Variants in TUBB6 observed in about 807,000 individuals in gnomAD.
TUBB6 encodes tubulin beta 6 class V.
TUBB6 carries 18 observed loss-of-function variants against 32.3 expected under a neutral mutation model. That is an observed-to-expected ratio of 0.56 (90% CI 0.39 to 0.83). The LOEUF is 0.83. Ranked by LOEUF, TUBB6 falls within the 40% of genes least tolerant of loss-of-function variation. The pLI, the probability that TUBB6 is intolerant of heterozygous loss-of-function variation, is 0.00. For missense variants in TUBB6, 480 were observed against 632.0 expected (o/e 0.76, Z 2.58); for synonymous variants, 280 against 265.8 (o/e 1.05, Z -0.52).
rs1907268176 is a variant in TUBB6 at position 12,325,693 on chromosome 18, G to C, written c.904G>C (p.Ala302Pro). ...QMFDARNMMA[A>P]CDPRHGRYLT... is the part of the protein sequence containing the mutation. The stretch of plus-strand genomic sequence containing the variant: ...GTTCGACGCCAGGAACATGATGGCC[G>C]CCTGCGATCCGCGCCATGGCCGCTA... Residue 302 changes from alanine (A) to proline (P), a missense_variant, in exon 4 of 4, where the codon GCC becomes CCC. Ala to Pro is a conservative substitution (Grantham distance 27, BLOSUM62 -1). Transcript: ENST00000317702. 6.2e-7 allele frequency: 1 copy of C among 1,613,954 alleles called. No individual in the cohort carries two copies. The highest frequency in any genetic ancestry group is 1.3e-5 in the African/African-American group (1 of 74,936).
At chr18:12,322,356 C>G (rs567160921) in intron 3 of TUBB6, among the ~76,000 whole-genome samples, 1 of 139,572 alleles carries the variant, frequency 7.2e-6, no homozygotes, top group Non-Finnish European at 1.6e-5. Flanking sequence ...ATTGAAAATA[C>G]TTTTTTTTTT....
At chr18:12,329,535 G>C (rs755539519), downstream of TUBB6, 1 of 1,599,642 alleles carries the variant, frequency 6.3e-7, no homozygotes, top group South Asian at 1.1e-5. Context: ...AACCACAGTG[G>C]ACAGACTGAG....
intron 3 of TUBB6, among the ~76,000 whole-genome samples, chr18:12,322,577 C>T (rs1217893909): frequency 2.0e-5 from 3 of 152,088 alleles, no homozygotes; most frequent in Non-Finnish European, 1.5e-5. Context: ...CTTGAAAATA[C>T]TTTTTGATAA....
intron 3 of TUBB6, among the ~76,000 whole-genome samples, chr18:12,322,922 C>G (rs1907063860): frequency 6.6e-6 from 1 of 152,030 alleles, no homozygotes; most frequent in African/African-American, 2.4e-5. Flanking sequence ...ATACATTTAA[C>G]AGAAGAAGAG....
Position 12,308,668 on chromosome 18 carries a change from C to G in TUBB6, c.58-19C>G, listed in dbSNP as rs772248046. 7 of 1,558,586 alleles carry G rather than the reference C, an allele frequency of 4.5e-6. No homozygotes were observed. In the African/African-American group the frequency reaches 5.4e-5, roughly 12 times the overall value. On this transcript the variant is annotated intron_variant, in intron 1 of 3. Coordinates refer to ENST00000317702, the MANE Select transcript of TUBB6 (RefSeq NM_032525.3). Reference sequence around the variant, plus strand: ...CTCTGGGTTCTGAGCGTCTGTCCCCCCGCCTTGCCCTGCCCAAGTTTTGGG... The same window carrying G: ...CTCTGGGTTCTGAGCGTCTGTCCCCGCGCCTTGCCCTGCCCAAGTTTTGGG...
At chr18:12,316,957 G>A (rs1181982799) in intron 3 of TUBB6, among the ~76,000 whole-genome samples, 3 of 151,964 alleles carry the variant, frequency 2.0e-5, no homozygotes, top group Admixed American at 1.3e-4. Flanking sequence ...TCAGGAGTTC[G>A]AGACCAGCCT....
downstream of TUBB6, chr18:12,329,122 C>G: frequency 1.4e-6 from 1 of 702,880 alleles, no homozygotes; most frequent in Non-Finnish European, 2.6e-6. Context: ...ATGTTCTTAT[C>G]AAGACTCCAA....
At position 12,311,028 on chromosome 18, in the gene TUBB6, T is replaced by C. The variant is rs1278749948; in HGVS notation, c.252T>C (p.Leu84=). ...DSVRSGPFGQ[L]FRPDNFIFGQ... ...TGCGGTCTGGGCCTTTTGGGCAGCTTTTCCGGCCTGACAACTTCATCTTTG... is the reference window on the plus strand; with the variant it reads ...TGCGGTCTGGGCCTTTTGGGCAGCTCTTCCGGCCTGACAACTTCATCTTTG... The change falls in exon 3 of 4, where the codon CTT becomes CTC. Residue 84 remains leucine, a synonymous_variant. Coordinates refer to ENST00000317702, the MANE Select transcript of TUBB6 (RefSeq NM_032525.3). The C allele has an allele frequency of 3.1e-6, 5 of 1,613,482 alleles. No homozygotes were observed. The highest frequency in any genetic ancestry group is 4.2e-6 in the Non-Finnish European group (5 of 1,179,742).
At chr18:12,311,169 G>T in intron 3 of TUBB6, 116 bp downstream of exon 3, 1 of 902,506 alleles carries the variant, frequency 1.1e-6, no homozygotes, top group Non-Finnish European at 1.7e-6. Context: ...GAAATCAGTG[G>T]TTCCCAGCCC....
At chr18:12,318,148 G>GGGTCT (rs1471904189) in intron 3 of TUBB6, among the ~76,000 whole-genome samples, 1 of 151,892 alleles carries the variant, frequency 6.6e-6, no homozygotes, top group African/African-American at 2.4e-5. Context: ...CAGCTGCCCT[G>GGGTCT]GGTCTTTCCT....
At chr18:12,314,492 C>G (rs1906562653) in intron 3 of TUBB6, among the ~76,000 whole-genome samples, 1 of 152,066 alleles carries the variant, frequency 6.6e-6, no homozygotes, top group Middle Eastern at 3.2e-3. Flanking sequence ...AGAAATCACA[C>G]CTCTTCTTTG....
In TUBB6 at chr18:12,310,992, C is replaced by G. The variant is rs1906344701; in HGVS notation, c.216C>G (p.Thr72=). 5 of 1,613,724 alleles carry G rather than the reference C, an allele frequency of 3.1e-6. No individual in the cohort carries two copies. The highest frequency in any genetic ancestry group is 3.4e-6 in the Non-Finnish European group (4 of 1,179,848). The change falls in exon 3 of 4, where the codon ACC becomes ACG. Residue 72 remains threonine (T), a synonymous_variant. Coordinates refer to ENST00000317702, the MANE Select transcript of TUBB6 (RefSeq NM_032525.3). ...RAALVDLEPG[T]MDSVRSGPFG... The stretch of plus-strand genomic sequence containing the variant: ...CCCTGGTGGACTTAGAGCCAGGCAC[C>G]ATGGACAGCGTGCGGTCTGGGCCTT...
downstream of TUBB6, among the ~76,000 whole-genome samples, chr18:12,327,263 G>A (rs965664011): frequency 9.2e-5 from 14 of 152,110 alleles, no homozygotes; most frequent in Non-Finnish European, 1.9e-4. Flanking sequence ...CTGTCCACCC[G>A]TCCAGGTTCC....
At chr18:12,328,662 G>A (rs539343344), downstream of TUBB6, among the ~76,000 whole-genome samples, 4 of 152,374 alleles carry the variant, frequency 2.6e-5, no homozygotes, top group South Asian at 8.3e-4. Context: ...CCCAGAAGGT[G>A]TGGCCAACAT....
At chr18:12,318,431 C>T (rs1033607910) in intron 3 of TUBB6, among the ~76,000 whole-genome samples, 1 of 149,206 alleles carries the variant, frequency 6.7e-6, no homozygotes, top group East Asian at 2.0e-4. Context: ...CTGTCTACGG[C>T]TTGTGAAAAA....
chr18:12,328,957 G>A, downstream of TUBB6: 1 of 558,238 alleles, frequency 1.8e-6, no homozygotes, highest in African/African-American at 1.9e-5. Context: ...GTTCAGAAAA[G>A]TACAGTGTTG....
chr18:12,318,230 T>C (rs1302561494), intron 3 of TUBB6, among the ~76,000 whole-genome samples: 2 of 151,620 alleles, frequency 1.3e-5, no homozygotes, highest in Admixed American at 1.3e-4. Context: ...ACCTATGTTG[T>C]AGTTTTGCCA....
At chr18:12,321,322 C>T (rs984332997) in intron 3 of TUBB6, among the ~76,000 whole-genome samples, 3 of 152,172 alleles carry the variant, frequency 2.0e-5, no homozygotes, top group African/African-American at 7.2e-5. Context: ...GTGTGTAGCA[C>T]TGATAAATGC....
downstream of TUBB6, chr18:12,329,387 G>C (rs1018485794): frequency 8.4e-6 from 6 of 715,706 alleles, no homozygotes; most frequent in African/African-American, 8.8e-5. Context: ...AAAGTCACCT[G>C]CCACCCACTG....
Sources: gnomAD v4.1 joint callset for allele counts (sites outside exome capture counted in the v4.1 genomes callset) on GRCh38, gnomAD v4.1.1 for gene constraint, MANE v1.5 for transcripts, NCBI Gene and HGNC (gene_info 2026-07-23, HGNC 2026-07-21) for gene names.